The following MUCL1 variants were observed in gnomAD, a reference collection of about 807,000 sequenced individuals.
MUCL1 encodes the protein mucin like 1.
MUCL1 carries 11 observed loss-of-function variants against 9.2 expected under a neutral mutation model. The ratio of observed to expected loss-of-function variants is 1.19; its 90% confidence interval spans 0.75 to 1.97. MUCL1 has a LOEUF of 1.97. Ranked by LOEUF, MUCL1 falls within the 30% of genes most tolerant of loss-of-function variation. The pLI, the probability that MUCL1 is intolerant of heterozygous loss-of-function variation, is 0.00. For synonymous variants in MUCL1, 48 were observed against 40.5 expected (o/e 1.19, Z -0.71); for missense variants, 144 against 110.9 (o/e 1.30, Z -1.34).
upstream of MUCL1, among the ~76,000 whole-genome samples, chr12:54,852,224 G>C (rs1868255850): frequency 6.6e-6 from 1 of 152,158 alleles, no homozygotes; most frequent in Non-Finnish European, 1.5e-5. Flanking sequence ...AAAGAACAAA[G>C]CTGGAGGCAT....
intron 1 of MUCL1, among the ~76,000 whole-genome samples, chr12:54,848,688 C>T (rs1043999487): frequency 8.5e-5 from 13 of 152,142 alleles, no homozygotes; most frequent in African/African-American, 2.9e-4. Context: ...AAACTTACTG[C>T]ATTCAGGGAA....
At chr12:54,845,840 T>C (rs918481399) in intron 1 of MUCL1, among the ~76,000 whole-genome samples, 5 of 152,196 alleles carry the variant, frequency 3.3e-5, no homozygotes, top group South Asian at 4.1e-4. Flanking sequence ...AAATTTAACA[T>C]GGGTGCAATG....
chr12:54,855,022 T>C, intron 1 of MUCL1, 94 bp from the exon 2 acceptor site: 1 of 1,069,806 alleles, frequency 9.3e-7, no homozygotes, highest in African/African-American at 1.6e-5. Flanking sequence ...GGTCTTCCAT[T>C]GTAAAGTCTG....
intron 1 of MUCL1, among the ~76,000 whole-genome samples, chr12:54,846,965 C>A (rs913673429): frequency 6.6e-6 from 1 of 152,142 alleles, no homozygotes; most frequent in South Asian, 2.1e-4. Flanking sequence ...TTAGTTAATT[C>A]TGTTTATGGT....
At chr12:54,833,722 C>CA (rs1046031163) in intron 1 of MUCL1, among the ~76,000 whole-genome samples, 33 of 144,692 alleles carry the variant, frequency 2.3e-4, no homozygotes, top group Admixed American at 8.8e-4. Context: ...ATTGCAAGGA[C>CA]AAAAAACCAA....
chr12:54,853,411 G>A (rs1868270653), upstream of MUCL1, among the ~76,000 whole-genome samples: 1 of 152,170 alleles, frequency 6.6e-6, no homozygotes, highest in Non-Finnish European at 1.5e-5. Context: ...GATGGAACTT[G>A]GGGCAGTGCT....
chr12:54,851,469 T>C (rs924089366), upstream of MUCL1, among the ~76,000 whole-genome samples: 2 of 152,172 alleles, frequency 1.3e-5, no homozygotes, highest in Non-Finnish European at 1.5e-5. Flanking sequence ...CCCTTCGTGC[T>C]AAAAACTCTC....
chr12:54,837,178 A>T (rs937356508), upstream of MUCL1, among the ~76,000 whole-genome samples: 2 of 151,986 alleles, frequency 1.3e-5, no homozygotes, highest in Non-Finnish European at 2.9e-5. Context: ...GTCAGTAGAG[A>T]GTTGAAGTCC....
Position 54,856,761 on chromosome 12 carries a change from T to C in MUCL1, c.101-9T>C. On this transcript the variant is annotated splice_polypyrimidine_tract_variant and intron_variant, in intron 2 of 3. Coordinates refer to ENST00000308796, the MANE Select transcript of MUCL1 (RefSeq NM_058173.3). The stretch of plus-strand genomic sequence containing the variant: ...CAGTCTCACCTAGAGCTTTTCCTTC[T>C]AATTTCAGCTGGTCCTGCTGATGAT... 6.2e-7 allele frequency: 1 copy of C among 1,604,906 alleles called. No individual in the cohort carries two copies. The highest frequency in any genetic ancestry group is 8.5e-7 in the Non-Finnish European group (1 of 1,175,378).
chr12:54,839,683 T>C (rs977412181), intron 1 of MUCL1, among the ~76,000 whole-genome samples: 2 of 152,138 alleles, frequency 1.3e-5, no homozygotes, highest in African/African-American at 4.8e-5. Flanking sequence ...TGATGTTCCA[T>C]GTAGAAAGGG....
upstream of MUCL1, among the ~76,000 whole-genome samples, chr12:54,850,091 T>C (rs1181091345): frequency 6.6e-6 from 1 of 152,202 alleles, no homozygotes; most frequent in Non-Finnish European, 1.5e-5. Flanking sequence ...AGGAGGGCTC[T>C]TTATTGTTGT....
chr12:54,844,238 G>A (rs1193773075), intron 1 of MUCL1, among the ~76,000 whole-genome samples: 2 of 152,014 alleles, frequency 1.3e-5, no homozygotes, highest in East Asian at 3.9e-4. Flanking sequence ...GCTACCTGGG[G>A]CCCCAGATTT....
upstream of MUCL1, among the ~76,000 whole-genome samples, chr12:54,854,034 C>A (rs952084556): frequency 6.6e-6 from 1 of 151,518 alleles, no homozygotes; most frequent in Non-Finnish European, 1.5e-5. Flanking sequence ...ATTACATGTT[C>A]AGGAGGGAGG....
chr12:54,843,225 G>A (rs970331980), intron 1 of MUCL1, among the ~76,000 whole-genome samples: 1 of 152,180 alleles, frequency 6.6e-6, no homozygotes, highest in Non-Finnish European at 1.5e-5. Context: ...TGTCCCAGGA[G>A]AATGCTTTTG....
upstream of MUCL1, among the ~76,000 whole-genome samples, chr12:54,836,269 C>T (rs1959192941): frequency 6.6e-6 from 1 of 151,980 alleles, no homozygotes; most frequent in Non-Finnish European, 1.5e-5. Flanking sequence ...AGTCTAATTG[C>T]TTGTTTGTTA....
intron 2 of MUCL1, 72 bp downstream of exon 2, chr12:54,855,229 C>T: frequency 1.5e-6 from 2 of 1,357,750 alleles, no homozygotes; most frequent in South Asian, 1.2e-5. Flanking sequence ...TGTCAAACAG[C>T]CAGTTTCCAT....
intron 1 of MUCL1, among the ~76,000 whole-genome samples, chr12:54,832,312 G>A (rs917359691): frequency 1.3e-5 from 2 of 151,880 alleles, no homozygotes; most frequent in Non-Finnish European, 2.9e-5. Flanking sequence ...TTGGGTGGGG[G>A]GATTATTGGT....
At chr12:54,851,764 C>T (rs892754719), upstream of MUCL1, among the ~76,000 whole-genome samples, 7 of 152,242 alleles carry the variant, frequency 4.6e-5, no homozygotes, top group South Asian at 2.1e-4. Context: ...AAAACCCCAT[C>T]GTCTCAGCCC....
At chr12:54,853,662 C>A (rs1868272574), upstream of MUCL1, among the ~76,000 whole-genome samples, 2 of 152,082 alleles carry the variant, frequency 1.3e-5, no homozygotes, top group African/African-American at 4.8e-5. Context: ...TTCTTTCCTG[C>A]CTTCTTTTTT....
Sources: gnomAD v4.1 joint callset for allele counts (sites outside exome capture counted in the v4.1 genomes callset) on GRCh38, gnomAD v4.1.1 for gene constraint, MANE v1.5 for transcripts, NCBI Gene and HGNC (gene_info 2026-07-23, HGNC 2026-07-21) for gene names.